The following SDK1 variants were observed in gnomAD, a reference collection of about 807,000 sequenced individuals.
SDK1 encodes the protein protein sidekick-1.
In SDK1, 157 loss-of-function variants were observed where a neutral mutation model predicts 245.5. That is an observed-to-expected ratio of 0.64 (90% CI 0.56 to 0.73). The LOEUF (loss-of-function observed/expected upper bound fraction) is 0.73. Among genes scored for constraint, SDK1 ranks in the 30% least tolerant of loss-of-function variants. The pLI is 0.00. For missense variants in SDK1, 3,583 were observed against 3,002.3 expected, an observed-to-expected ratio of 1.19 and a Z score of -4.52; for synonymous variants, 1,647 against 1,278.5, an observed-to-expected ratio of 1.29 and a Z score of -6.15.
At chr7:3,684,578 G>C (rs1017065768) in intron 4 of SDK1, among the ~76,000 whole-genome samples, 1 of 152,166 alleles carries the variant, frequency 6.6e-6, no homozygotes, top group Admixed American at 6.5e-5. Flanking sequence ...CAAAATATGT[G>C]GGATATACCT....
In SDK1 at chr7:3,917,669, C is replaced by T. The variant is rs77223592; in HGVS notation, c.848-33254C>T. Among the ~76,000 whole-genome samples, 544 of 152,230 alleles carry T rather than the reference C, an allele frequency of 3.6e-3. 2 individuals are homozygous for T. Among genetic ancestry groups the T allele is most frequent in the African/African-American group, 0.012 (515 of 41,542 alleles). ...AGGGTTAGAGGAACGTCTATGGGAC[C>T]AGCTGTCAAATTAAAAGCATAAGTC... is the stretch of plus-strand genomic sequence containing the variant. On this transcript the variant is annotated intron_variant, in intron 5 of 44. Coordinates refer to ENST00000404826, the MANE Select transcript of SDK1 (RefSeq NM_152744.4).
At chr7:3,632,617 A>G (rs985144842) in intron 2 of SDK1, among the ~76,000 whole-genome samples, 2 of 152,232 alleles carry the variant, frequency 1.3e-5, no homozygotes. Context: ...TGAAATAAAT[A>G]ATACACAGAT....
At chr7:3,544,752 A>C (rs1779163959) in intron 1 of SDK1, among the ~76,000 whole-genome samples, 1 of 152,188 alleles carries the variant, frequency 6.6e-6, no homozygotes, top group African/African-American at 2.4e-5. Context: ...ATGCTACAGC[A>C]CTTACCAACC....
chr7:3,374,088 T>G (rs1220965555), intron 1 of SDK1, among the ~76,000 whole-genome samples: 1 of 152,180 alleles, frequency 6.6e-6, no homozygotes, highest in East Asian at 1.9e-4. Flanking sequence ...TTTTTTTAAC[T>G]TGACACTCTG....
At chr7:3,952,183 G>A in intron 7 of SDK1, 1 of 484,694 alleles carries the variant, frequency 2.1e-6, no homozygotes, top group South Asian at 2.4e-5. Flanking sequence ...AAATAGAGCG[G>A]TGAAACCCCT....
chr7:3,869,823 C>T lies in SDK1; in HGVS notation c.847+48240C>T, dbSNP rs10281035. Among the ~76,000 whole-genome samples, 1,252 of 152,314 alleles carry T rather than the reference C, an allele frequency of 8.2e-3. 22 individuals carry two copies. The highest frequency in any genetic ancestry group is 0.028 in the African/African-American group (1,181 of 41,560). On this transcript the variant is annotated intron_variant, in intron 5 of 44. Transcript: ENST00000404826. ...CTACAGTGTACACTTAAATTAAAAA[C>T]CAACCTAACACGTTGCTTGCGAACT... is the stretch of plus-strand genomic sequence containing the variant.
At chr7:4,226,145 C>T (rs17134634) in intron 40 of SDK1, among the ~76,000 whole-genome samples, 10,975 of 152,244 alleles carry the variant, frequency 0.072, 453 homozygotes, top group Middle Eastern at 0.13. Context: ...ATCTCATTTT[C>T]CCACCGAAGC....
chr7:3,450,389 G>C (rs1780475449), intron 1 of SDK1, among the ~76,000 whole-genome samples: 1 of 152,166 alleles, frequency 6.6e-6, no homozygotes. Context: ...TTGAAGATGA[G>C]TAGAATGGTA....
At chr7:3,786,578 G>A (rs1442996646) in intron 4 of SDK1, among the ~76,000 whole-genome samples, 2 of 152,206 alleles carry the variant, frequency 1.3e-5, no homozygotes, top group African/African-American at 2.4e-5. Context: ...AGCACTGGAT[G>A]TCTTCTGATT....
At chr7:3,641,893 C>G in intron 3 of SDK1, 65 bp from the exon 4 acceptor site, 2 of 1,359,614 alleles carry the variant, frequency 1.5e-6, no homozygotes, top group African/African-American at 1.4e-5. Context: ...CTGTTTCCAT[C>G]TGTGACCCCT....
chr7:4,007,304 C>T (rs6965091), intron 14 of SDK1, among the ~76,000 whole-genome samples: 9,505 of 152,154 alleles, frequency 0.062, 648 homozygotes, highest in African/African-American at 0.18. Flanking sequence ...GAGGCAGTTG[C>T]AGAACCCCAG....
chr7:3,597,837 T>C (rs1583210693), intron 1 of SDK1, among the ~76,000 whole-genome samples: 1 of 152,208 alleles, frequency 6.6e-6, no homozygotes, highest in Non-Finnish European at 1.5e-5. Context: ...TTGTTTCTTT[T>C]TATTGATGTA....
chr7:4,098,150 C>T (rs1235037826), intron 22 of SDK1, among the ~76,000 whole-genome samples: 3 of 152,136 alleles, frequency 2.0e-5, no homozygotes, highest in African/African-American at 7.2e-5. Flanking sequence ...GGAAAAGGGG[C>T]CTTTTTGTTC....
chr7:3,974,014 T>G (rs1583688059), intron 12 of SDK1, among the ~76,000 whole-genome samples: 1 of 151,704 alleles, frequency 6.6e-6, no homozygotes, highest in East Asian at 1.9e-4. Context: ...AAACCTCATC[T>G]CTATTAAAAA....
At chr7:3,447,503 G>GC (rs926581032) in intron 1 of SDK1, among the ~76,000 whole-genome samples, 1 of 151,836 alleles carries the variant, frequency 6.6e-6, no homozygotes, top group Non-Finnish European at 1.5e-5. Flanking sequence ...TCGCTAAGTT[G>GC]CCCCCCACCC....
intron 17 of SDK1, among the ~76,000 whole-genome samples, chr7:4,030,198 A>G (rs548592409): frequency 6.6e-6 from 1 of 152,344 alleles, no homozygotes; most frequent in African/African-American, 2.4e-5. Flanking sequence ...CATCTGTCTC[A>G]TCGTGTGAGC....
intron 4 of SDK1, among the ~76,000 whole-genome samples, chr7:3,806,997 C>T (rs570668744): frequency 6.6e-5 from 10 of 152,140 alleles, no homozygotes; most frequent in East Asian, 1.9e-4. Context: ...TTTGAGTTAT[C>T]GATAGCTGTA....
At chr7:3,620,082 T>A (rs1189151776) in intron 2 of SDK1, among the ~76,000 whole-genome samples, 1 of 152,120 alleles carries the variant, frequency 6.6e-6, no homozygotes, top group African/African-American at 2.4e-5. Context: ...TTTCTTTAGA[T>A]GAAATAAGAA....
At chr7:3,956,653 C>T (rs906689459) in intron 7 of SDK1, among the ~76,000 whole-genome samples, 6 of 152,262 alleles carry the variant, frequency 3.9e-5, no homozygotes, top group South Asian at 4.1e-4. Context: ...CGGTGGCAGG[C>T]TGCCCCCCAG....
Sources: allele counts gnomAD v4.1 joint callset (sites outside exome capture counted in the v4.1 genomes callset), GRCh38; gene constraint gnomAD v4.1.1; transcripts MANE v1.5; gene names NCBI Gene and HGNC (gene_info 2026-07-23, HGNC 2026-07-21).